The following DPPA3 variants were observed in gnomAD, a reference collection of about 807,000 sequenced individuals.
DPPA3 encodes developmental pluripotency associated 3.
DPPA3 carries 9 observed loss-of-function variants against 15.6 expected under a neutral mutation model. That is an observed-to-expected ratio of 0.58 (90% confidence interval 0.35 to 1.01). The LOEUF (loss-of-function observed/expected upper bound fraction) is 1.01, where lower values mean the gene tolerates loss of function less well. Among genes scored for constraint, DPPA3 ranks in the 50% least tolerant of loss-of-function variants. DPPA3 has a pLI of 0.02. For synonymous variants in DPPA3, 61 were observed against 70.9 expected, an observed-to-expected ratio of 0.86 and a Z score of 0.70; for missense variants, 148 against 194.6, an observed-to-expected ratio of 0.76 and a Z score of 1.42.
At chr12:7,711,706 C>T in intron 1 of DPPA3, 54 bp downstream of exon 1, 3 of 653,058 alleles carry the variant, frequency 4.6e-6, no homozygotes, top group East Asian at 5.5e-5. Context: ...GTTGGGAGGT[C>T]AAAAGGCTGC....
intron 3 of DPPA3, among the ~76,000 whole-genome samples, chr12:7,716,751 T>C (rs1035314963): frequency 6.6e-6 from 1 of 152,198 alleles, no homozygotes; most frequent in Non-Finnish European, 1.5e-5. Flanking sequence ...TCTGCACTTG[T>C]TACCATTACA....
At chr12:7,712,809 A>T (rs1864359264) in intron 1 of DPPA3, among the ~76,000 whole-genome samples, 1 of 152,080 alleles carries the variant, frequency 6.6e-6, no homozygotes, top group African/African-American at 2.4e-5. Context: ...CTGGTATCGA[A>T]CACTTGGGTT....
At chr12:7,712,410 G>A (rs946375529) in intron 1 of DPPA3, among the ~76,000 whole-genome samples, 1 of 152,026 alleles carries the variant, frequency 6.6e-6, no homozygotes, top group African/African-American at 2.4e-5. Flanking sequence ...TTTAACTTCA[G>A]TTGAACCTAA....
chr12:7,711,743 T>C, intron 1 of DPPA3, 91 bp downstream of exon 1: 1 of 946,532 alleles, frequency 1.1e-6, no homozygotes, highest in Non-Finnish European at 1.5e-6. Context: ...TTTTTTTTTT[T>C]TTTTTTAATG....
intron 3 of DPPA3, among the ~76,000 whole-genome samples, chr12:7,716,672 G>T (rs1315065430): frequency 3.3e-5 from 5 of 152,166 alleles, no homozygotes. Flanking sequence ...CTTCAGCAGA[G>T]TGTCTAGTAG....
intron 1 of DPPA3, among the ~76,000 whole-genome samples, chr12:7,714,010 C>G (rs1864371974): frequency 6.6e-6 from 1 of 152,014 alleles, no homozygotes; most frequent in Non-Finnish European, 1.5e-5. Context: ...AAGACCCTGT[C>G]TCAAAAAATA....
rs1053900806 is a variant in DPPA3, at chr12:7,715,569, G to T, written c.327+142G>T. The T allele has an allele frequency of 2.3e-6, 3 of 1,291,470 alleles. No individual in the cohort carries two copies. The African/African-American group carries it at 4.4e-5, about 19-fold the overall frequency. 80.0% of individuals were successfully genotyped at this position (1,291,470 alleles called of 1,614,324 possible). ...TGAGCACTTCGGGAGGCTGAGGCAG[G>T]TGGATCACCTGAGGACAGGAGTTCG... On this transcript the variant is annotated intron_variant, in intron 2 of 3. Transcript: ENST00000345088.
intron 3 of DPPA3, among the ~76,000 whole-genome samples, 161 bp downstream of exon 3, chr12:7,716,400 T>C (rs1027998924): frequency 6.6e-6 from 1 of 151,992 alleles, no homozygotes; most frequent in Non-Finnish European, 1.5e-5. Context: ...ATGTTTGTAG[T>C]TTTTAAAAAT....
chr12:7,712,457 T>G (rs1268700685), intron 1 of DPPA3, among the ~76,000 whole-genome samples: 1 of 152,014 alleles, frequency 6.6e-6, no homozygotes, highest in African/African-American at 2.4e-5. Context: ...TATTTTTATT[T>G]ATATATTTTT....
At chr12:7,712,439 G>A (rs774907129) in intron 1 of DPPA3, among the ~76,000 whole-genome samples, 42 of 151,556 alleles carry the variant, frequency 2.8e-4, no homozygotes, top group African/African-American at 9.4e-4. Flanking sequence ...TTAATCTCTC[G>A]CCAACATTAT....
In DPPA3 at chr12:7,714,184, G is replaced by C. The variant is rs766291527; in HGVS notation, c.83-999G>C. Among the ~76,000 whole-genome samples, 52 of 145,534 alleles carry C rather than the reference G, an allele frequency of 3.6e-4. 2 individuals are homozygous for C. In the South Asian group the frequency reaches 0.011, roughly 31 times the overall value. ...GGCGGAGCTTGCAGTGAGCCGAGATGGCGCCACTGCACTCCAGCCTGGGAG... is the reference window on the plus strand; with the variant it reads ...GGCGGAGCTTGCAGTGAGCCGAGATCGCGCCACTGCACTCCAGCCTGGGAG... On this transcript the variant is annotated intron_variant, in intron 1 of 3. Coordinates refer to ENST00000345088, the MANE Select transcript of DPPA3 (RefSeq NM_199286.4).
intron 1 of DPPA3, among the ~76,000 whole-genome samples, chr12:7,712,566 G>A (rs1166484350): frequency 6.6e-6 from 1 of 152,024 alleles, no homozygotes. Context: ...TCCTGTCTCA[G>A]CCTCCAAAGT....
At chr12:7,713,805 G>A (rs1864370331) in intron 1 of DPPA3, among the ~76,000 whole-genome samples, 1 of 151,926 alleles carries the variant, frequency 6.6e-6, no homozygotes, top group Non-Finnish European at 1.5e-5. Flanking sequence ...CAGAATGTAC[G>A]GTAGGTAATG....
intron 1 of DPPA3, 72 bp downstream of exon 1, chr12:7,711,724 T>C: frequency 5.0e-5 from 9 of 181,584 alleles, no homozygotes; most frequent in South Asian, 2.0e-4. Context: ...TGCCGTCTTT[T>C]TTTTTTTTTT....
chr12:7,716,280 T>TTTTGGCTA, intron 3 of DPPA3, 41 bp downstream of exon 3: 3 of 1,468,544 alleles, frequency 2.0e-6, no homozygotes, highest in Non-Finnish European at 1.8e-6. Context: ...TTTTTTTTTT[T>TTTTGGCTA]TGGCTATATA....
chr12:7,712,676 G>A (rs768120389), intron 1 of DPPA3, among the ~76,000 whole-genome samples: 7 of 151,916 alleles, frequency 4.6e-5, no homozygotes, highest in Non-Finnish European at 1.0e-4. Context: ...TCGATCTCCT[G>A]ACGTCGTGAT....
chr12:7,711,816 C>G (rs1375381221), intron 1 of DPPA3, among the ~76,000 whole-genome samples, 164 bp downstream of exon 1: 1 of 141,538 alleles, frequency 7.1e-6, no homozygotes, highest in Admixed American at 7.5e-5. Context: ...GGAGTCAACA[C>G]AGAGAGGTCA....
At chr12:7,716,363 C>T in intron 3 of DPPA3, 124 bp downstream of exon 3, 1 of 701,896 alleles carries the variant, frequency 1.4e-6, no homozygotes, top group South Asian at 2.0e-5. Flanking sequence ...CTTTCTGAAT[C>T]CCCAGGGACT....
rs376049325 is a variant in DPPA3 at position 7,716,857 on chromosome 12, GTGTTCCC to G, written c.370-103_370-97del. ...TTGGCCCGTGTGTCCTTTTTTGTGT[GTGTTCCC>G]TGTTCCAACACTTACCAAAATAAAC... On this transcript the variant is annotated intron_variant, in intron 3 of 3. Transcript: ENST00000345088. 7.4e-5 allele frequency: 74 copies of G among 1,005,686 alleles called. No individual in the cohort carries two copies. The African/African-American group carries it at 1.1e-3, about 15-fold the overall frequency. The allele number at this position is 1,005,686 out of a possible 1,614,324, so 62.3% of individuals were successfully genotyped here. A position where few individuals can be genotyped will look rare whatever the true frequency, so the allele number is the denominator to read the frequency against.
Sources: gnomAD v4.1 joint callset for allele counts (sites outside exome capture counted in the v4.1 genomes callset) on GRCh38, gnomAD v4.1.1 for gene constraint, MANE v1.5 for transcripts, NCBI Gene and HGNC (gene_info 2026-07-23, HGNC 2026-07-21) for gene names.